The following ADCY5 variants were observed in gnomAD, a reference collection of about 807,000 sequenced individuals.
ADCY5 encodes the protein adenylate cyclase 5.
ADCY5 carries 30 observed loss-of-function variants against 119.7 expected under a neutral mutation model. That is an observed-to-expected ratio of 0.25 (90% CI 0.19 to 0.34). ADCY5 has a LOEUF of 0.34. ADCY5 is among the 10% of genes least tolerant of loss of function. ADCY5 has a pLI of 1.00. For missense variants in ADCY5, 1,324 were observed against 1,775.2 expected (o/e 0.75, Z 4.57); for synonymous variants, 753 against 762.2 (o/e 0.99, Z 0.20).
At chr3:123,440,591 C>T (rs1350740389) in intron 1 of ADCY5, among the ~76,000 whole-genome samples, 3 of 152,104 alleles carry the variant, frequency 2.0e-5, no homozygotes, top group Non-Finnish European at 4.4e-5. Context: ...CACTCCCCTT[C>T]CTTCACACCA....
At chr3:123,298,104 A>G (rs974388013) in intron 15 of ADCY5, among the ~76,000 whole-genome samples, 1 of 152,048 alleles carries the variant, frequency 6.6e-6, no homozygotes, top group Non-Finnish European at 1.5e-5. Flanking sequence ...GGTTCAAGCT[A>G]TTCTTGTACC....
At chr3:123,320,721 C>T in intron 9 of ADCY5, 28 bp downstream of exon 9, 1 of 1,611,800 alleles carries the variant, frequency 6.2e-7, no homozygotes, top group South Asian at 1.1e-5. Context: ...ACCCAGGGAG[C>T]AGGAATAAGG....
At chr3:123,380,331 C>T (rs991259953) in intron 1 of ADCY5, among the ~76,000 whole-genome samples, 7 of 152,226 alleles carry the variant, frequency 4.6e-5, no homozygotes, top group African/African-American at 1.7e-4. Context: ...ATCCCATCCC[C>T]CACAACCAAG....
intron 1 of ADCY5, among the ~76,000 whole-genome samples, chr3:123,422,915 C>T (rs940822182): frequency 6.6e-6 from 1 of 152,208 alleles, no homozygotes; most frequent in Non-Finnish European, 1.5e-5. Context: ...CCGATAGGAG[C>T]GAGGAATTTT....
intron 1 of ADCY5, among the ~76,000 whole-genome samples, chr3:123,357,523 T>C (rs898090918): frequency 2.6e-5 from 4 of 152,226 alleles, no homozygotes; most frequent in Admixed American, 6.5e-5. Context: ...GGTAACCCAA[T>C]AGCCGTCCAA....
At chr3:123,290,016 G>A (rs779745664) in intron 18 of ADCY5, 62 bp from the exon 19 acceptor site, 31 of 1,547,974 alleles carry the variant, frequency 2.0e-5, no homozygotes, top group Non-Finnish European at 2.4e-5. Flanking sequence ...CCACAGGGAG[G>A]GACAGAGGAT....
rs779518665 is a variant in ADCY5 at position 123,313,070 on chromosome 3, G to A, written c.2442+1165C>T. On this transcript the variant is annotated intron_variant, in intron 12 of 20. Coordinates refer to ENST00000462833, the MANE Select transcript of ADCY5 (RefSeq NM_183357.3). The stretch of plus-strand genomic sequence containing the variant: ...TATCAGATGCTACAATACTAGCAAC[G>A]GATGGAGCACGCGGCTCAGCGTGGC... 1.6e-4 allele frequency among the ~76,000 whole-genome samples: 22 copies of A among 140,496 alleles called. No homozygotes were observed. The Middle Eastern group carries it at 0.022, about 138-fold the overall frequency. The allele number at this position is 140,496 out of a possible 152,430, so 92.2% of individuals were successfully genotyped here.
intron 7 of ADCY5, 119 bp downstream of exon 7, chr3:123,327,499 G>A (rs532199271): frequency 5.3e-5 from 59 of 1,110,562 alleles, no homozygotes; most frequent in East Asian, 4.7e-4. Context: ...TGCAGGAACC[G>A]CAACTGCATA....
At chr3:123,406,317 C>T (rs1402679754) in intron 1 of ADCY5, among the ~76,000 whole-genome samples, 1 of 152,268 alleles carries the variant, frequency 6.6e-6, no homozygotes, top group Non-Finnish European at 1.5e-5. Flanking sequence ...CTCCCTCTGC[C>T]TCCTGACTGA....
intron 1 of ADCY5, among the ~76,000 whole-genome samples, chr3:123,401,585 C>T (rs1376566017): frequency 2.6e-5 from 4 of 152,138 alleles, no homozygotes; most frequent in Non-Finnish European, 4.4e-5. Flanking sequence ...CCCAGGGGCA[C>T]CTACATAAGA....
chr3:123,306,530 T>C (rs1351490839), intron 12 of ADCY5, among the ~76,000 whole-genome samples: 1 of 152,176 alleles, frequency 6.6e-6, no homozygotes, highest in African/African-American at 2.4e-5. Context: ...AACAGATAAA[T>C]TGGACTTTAT....
At position 123,347,446 on chromosome 3, in the gene ADCY5, G is replaced by T. The variant is rs574923331; in HGVS notation, c.1406+336C>A. Among the ~76,000 whole-genome samples the T allele has an allele frequency of 5.9e-5, 9 of 152,204 alleles. No homozygotes were observed. The East Asian group carries it at 1.4e-3, about 23-fold the overall frequency. ...ATGAGATGATGGTGGTGACATTCGG[G>T]TCCCAGTCTATGCTTTCCATCTCTC... On this transcript the variant is annotated intron_variant, in intron 3 of 20. Coordinates refer to ENST00000462833, the MANE Select transcript of ADCY5 (RefSeq NM_183357.3).
chr3:123,398,167 C>T (rs1944656598), intron 1 of ADCY5, among the ~76,000 whole-genome samples: 1 of 152,212 alleles, frequency 6.6e-6, no homozygotes, highest in African/African-American at 2.4e-5. Flanking sequence ...GCAACCAGCT[C>T]TCCCAGTACC....
At chr3:123,375,663 A>AG in intron 1 of ADCY5, among the ~76,000 whole-genome samples, 1 of 152,366 alleles carries the variant, frequency 6.6e-6, no homozygotes, top group South Asian at 2.1e-4. Flanking sequence ...GGTCTCCAGC[A>AG]GGCCAGTCAT....
At position 123,352,382 on chromosome 3, in the gene ADCY5, T is replaced by C; in HGVS notation, c.1284+50A>G. 1.9e-6 allele frequency: 3 copies of C among 1,561,962 alleles called. No individual in the cohort carries two copies. The highest frequency in any genetic ancestry group is 2.6e-6 in the Non-Finnish European group (3 of 1,154,674). ...AGGCCAGGCACTCAGCTGAGGTACA[T>C]CTCAGGGCTCGACTCCGTCCCACTG... is the stretch of plus-strand genomic sequence containing the variant. On this transcript the variant is annotated intron_variant, in intron 2 of 20. Coordinates refer to ENST00000462833, the MANE Select transcript of ADCY5 (RefSeq NM_183357.3). The surrounding 1 kb of genome is among the most constrained non-coding windows in gnomAD (Gnocchi z 4.8).
At position 123,396,779 on chromosome 3, in the gene ADCY5, AAGGC is replaced by A. The variant is rs1195206250; in HGVS notation, c.1135-44202_1135-44199del. 2.9e-3 allele frequency among the ~76,000 whole-genome samples: 202 copies of A among 69,958 alleles called. 10 individuals carry two copies. The highest frequency in any genetic ancestry group is 0.01 in the Middle Eastern group (1 of 96). 45.9% of individuals were successfully genotyped at this position (69,958 alleles called of 152,430 possible). A position where few individuals can be genotyped will look rare whatever the true frequency, so the allele number is the denominator to read the frequency against. On this transcript the variant is annotated intron_variant, in intron 1 of 20. Transcript: ENST00000462833. ...GAAGGAAGGAAGGAAGGAAGGAAGG[AAGGC>A]AGGCAGGCAGGCAGGCAGGCAGGCA...
intron 1 of ADCY5, among the ~76,000 whole-genome samples, chr3:123,357,473 A>C (rs1192964154): frequency 1.3e-5 from 2 of 152,184 alleles, no homozygotes; most frequent in African/African-American, 4.8e-5. Flanking sequence ...CCAGAAGTCC[A>C]ATGGCAACAG....
chr3:123,427,138 A>G (rs1456902485), intron 1 of ADCY5, among the ~76,000 whole-genome samples: 1 of 152,108 alleles, frequency 6.6e-6, no homozygotes, highest in East Asian at 1.9e-4. Context: ...CTGTGTCCCT[A>G]GCCCTCCAGC....
Position 123,352,400 on chromosome 3 carries a change from TC to T in ADCY5, c.1284+31del. ...AGGTACATCTCAGGGCTCGACTCCG[TC>T]CCACTGTGCAAGGGCAGGGGCCTCA... is the stretch of plus-strand genomic sequence containing the variant. On this transcript the variant is annotated intron_variant, in intron 2 of 20. Transcript: ENST00000462833. The surrounding 1 kb of genome is among the most constrained non-coding windows in gnomAD (Gnocchi z 4.8). The T allele has an allele frequency of 6.3e-7, 1 of 1,595,266 alleles. No individual in the cohort carries two copies. Among genetic ancestry groups the T allele is most frequent in the Non-Finnish European group, 8.5e-7 (1 of 1,171,608 alleles).
Sources: allele counts gnomAD v4.1 joint callset (sites outside exome capture counted in the v4.1 genomes callset), GRCh38; gene constraint gnomAD v4.1.1; non-coding constraint Gnocchi (gnomAD v3.1); transcripts MANE v1.5; gene names NCBI Gene and HGNC (gene_info 2026-07-23, HGNC 2026-07-21).